The following CDKN2B-AS1 variants were observed in gnomAD, a reference collection of about 807,000 sequenced individuals.
CDKN2B-AS1 encodes CDKN2B antisense RNA 1 (non-protein coding).
chr9:22,046,320 T>C (rs1054344414), intron 1 of CDKN2B-AS1: 1 of 152,074 alleles, frequency 6.6e-6, no homozygotes, highest in East Asian at 1.9e-4. Context: ...ATTTCAGATA[T>C]TGAGAAACCA....
chr9:22,015,199 T>C (rs1485430167), intron 1 of CDKN2B-AS1, among the ~76,000 whole-genome samples: 2 of 152,196 alleles, frequency 1.3e-5, no homozygotes, highest in African/African-American at 2.4e-5. Context: ...ACTTCCACAA[T>C]GGTTGAACTA....
At chr9:22,098,372 A>T (rs981539615) in intron 4 of CDKN2B-AS1, among the ~76,000 whole-genome samples, 45 of 152,010 alleles carry the variant, frequency 3.0e-4, no homozygotes, top group Non-Finnish European at 4.6e-4. Flanking sequence ...GGAATATCTA[A>T]AAGAAACTAT....
At chr9:22,094,688 G>A (rs143738155) in intron 4 of CDKN2B-AS1, among the ~76,000 whole-genome samples, 2,304 of 143,798 alleles carry the variant, frequency 0.016, 531 homozygotes, top group African/African-American at 0.064. Context: ...ACTTCTCTGC[G>A]TTGGTTATTC....
intron 4 of CDKN2B-AS1, among the ~76,000 whole-genome samples, chr9:22,072,328 G>C (rs1340029603): frequency 6.6e-6 from 1 of 152,182 alleles, no homozygotes; most frequent in East Asian, 1.9e-4. Flanking sequence ...TTTATATAAA[G>C]ACCAGATCTG....
At chr9:22,088,498 G>A (rs554925482) in intron 4 of CDKN2B-AS1, among the ~76,000 whole-genome samples, 11 of 152,052 alleles carry the variant, frequency 7.2e-5, no homozygotes, top group South Asian at 6.2e-4. Context: ...TAGGTTCACA[G>A]GCCCTAGGCT....
At chr9:22,058,201 GAAAC>G (rs748441608) in intron 4 of CDKN2B-AS1, among the ~76,000 whole-genome samples, 2 of 152,134 alleles carry the variant, frequency 1.3e-5, no homozygotes, top group Non-Finnish European at 2.9e-5. Context: ...TCTCAAAAAT[GAAAC>G]AAACAAACCC....
chr9:22,098,300 T>C (rs993390212), intron 4 of CDKN2B-AS1, among the ~76,000 whole-genome samples: 3 of 151,404 alleles, frequency 2.0e-5, no homozygotes, highest in African/African-American at 7.3e-5. Flanking sequence ...TTATATATAG[T>C]AAAAAAGAGG....
At chr9:22,003,736 T>G (rs1455915779) in intron 1 of CDKN2B-AS1, 1 of 231,848 alleles carries the variant, frequency 4.3e-6, no homozygotes, top group African/African-American at 2.2e-5. Context: ...AAATTTGGGT[T>G]TTTATAGGTG....
chr9:22,029,389 T>A (rs760189395), intron 1 of CDKN2B-AS1: 1 of 778,698 alleles, frequency 1.3e-6, no homozygotes, highest in South Asian at 1.3e-5. Flanking sequence ...TCTAATCACA[T>A]AGAGACTTGT....
chr9:22,110,930 T>C (rs1212620922), intron 4 of CDKN2B-AS1, among the ~76,000 whole-genome samples: 1 of 152,158 alleles, frequency 6.6e-6, no homozygotes, highest in Admixed American at 6.5e-5. Context: ...TGTAATCCTA[T>C]AGTATGAATT....
At chr9:22,101,731 T>A (rs1480909900) in intron 4 of CDKN2B-AS1, among the ~76,000 whole-genome samples, 20 of 135,446 alleles carry the variant, frequency 1.5e-4, no homozygotes, top group African/African-American at 5.3e-4. Context: ...TGTACAAGAG[T>A]GCAAATCAAA....
chr9:22,033,547 C>T (rs1248905247), intron 1 of CDKN2B-AS1, among the ~76,000 whole-genome samples: 1 of 152,164 alleles, frequency 6.6e-6, no homozygotes, highest in Non-Finnish European at 1.5e-5. Flanking sequence ...TAATTAAAAA[C>T]AAGGCTGTCT....
intron 4 of CDKN2B-AS1, among the ~76,000 whole-genome samples, chr9:22,062,954 TTGTGTGTGTGTG>T (rs571212371): frequency 7.2e-6 from 1 of 139,280 alleles, no homozygotes; most frequent in Non-Finnish European, 1.5e-5. Context: ...GAAAAGTGAC[TTGTGTGTGTGTG>T]TGAAAGACAG....
intron 4 of CDKN2B-AS1, among the ~76,000 whole-genome samples, chr9:22,091,748 T>C (rs1468082035): frequency 1.3e-5 from 2 of 152,212 alleles, no homozygotes; most frequent in Non-Finnish European, 2.9e-5. Context: ...TTTCTAGATA[T>C]ACAATCATGT....
intron 4 of CDKN2B-AS1, among the ~76,000 whole-genome samples, chr9:22,109,795 A>G (rs972524062): frequency 1.3e-5 from 2 of 152,196 alleles, no homozygotes; most frequent in African/African-American, 2.4e-5. Flanking sequence ...TGGGGAACCT[A>G]AAGTGGATTG....
upstream of CDKN2B-AS1, chr9:21,994,836 T>C (rs1319501896): frequency 6.1e-5 from 10 of 162,846 alleles, no homozygotes; most frequent in East Asian, 1.6e-3. Flanking sequence ...ACAGCCGCGC[T>C]CCCGCGGATT....
At chr9:22,110,113 T>A (rs1433060511) in intron 4 of CDKN2B-AS1, among the ~76,000 whole-genome samples, 1 of 152,176 alleles carries the variant, frequency 6.6e-6, no homozygotes, top group Non-Finnish European at 1.5e-5. Context: ...ATTTTATGAA[T>A]AGACCCTAGT....
chr9:22,114,563 CA>C (rs1173736824), intron 4 of CDKN2B-AS1, among the ~76,000 whole-genome samples: 1 of 152,166 alleles, frequency 6.6e-6, no homozygotes, highest in Non-Finnish European at 1.5e-5. Context: ...AACGTTTTGA[CA>C]AAGCTGATTA....
At chr9:22,061,465 A>G (rs1823815737) in intron 4 of CDKN2B-AS1, among the ~76,000 whole-genome samples, 1 of 152,328 alleles carries the variant, frequency 6.6e-6, no homozygotes, top group East Asian at 1.9e-4. Context: ...GATCTTTAAA[A>G]AGTATATATT....
Sources: allele counts gnomAD v4.1 joint callset (sites outside exome capture counted in the v4.1 genomes callset), GRCh38; gene constraint gnomAD v4.1.1; transcripts MANE v1.5; gene names NCBI Gene and HGNC (gene_info 2026-07-23, HGNC 2026-07-21).